Variants in FHAD1 observed in about 807,000 individuals in gnomAD.
FHAD1 encodes the protein forkhead associated phosphopeptide binding domain 1.
FHAD1 carries 146 observed loss-of-function variants against 191.3 expected under a neutral mutation model. The observed-to-expected ratio is 0.76, with a 90% CI of 0.67 to 0.88. The LOEUF is 0.88. Ranked by LOEUF, FHAD1 falls within the 40% of genes least tolerant of loss-of-function variation. The probability of loss-of-function intolerance (pLI) is 0.00; values close to 1 mark genes in which losing one functional copy is unlikely to be tolerated. For synonymous variants in FHAD1, 616 were observed against 672.3 expected, an observed-to-expected ratio of 0.92 and a Z score of 1.29; for missense variants, 1,635 against 1,785.8, an observed-to-expected ratio of 0.92 and a Z score of 1.52.
chr1:15,322,206 C>A (rs992986535), intron 10 of FHAD1, among the ~76,000 whole-genome samples: 7 of 152,024 alleles, frequency 4.6e-5, no homozygotes, highest in Non-Finnish European at 8.8e-5. Context: ...CTGTGTACTA[C>A]CTAGGCAGTG....
intron 3 of FHAD1, 44 bp downstream of exon 3, chr1:15,272,573 G>T (rs56987602): frequency 8.6e-5 from 130 of 1,510,608 alleles, no homozygotes; most frequent in Admixed American, 4.8e-4. Context: ...TGTCGCCTTC[G>T]TGCAGCCCGG....
intron 10 of FHAD1, among the ~76,000 whole-genome samples, chr1:15,322,561 A>G (rs538018880): frequency 6.6e-6 from 1 of 152,346 alleles, no homozygotes; most frequent in African/African-American, 2.4e-5. Context: ...ACGTGTGGCC[A>G]TTTAGGTGAA....
chr1:15,295,156 A>G (rs1345236828), intron 4 of FHAD1, among the ~76,000 whole-genome samples: 3 of 152,136 alleles, frequency 2.0e-5, no homozygotes, highest in Non-Finnish European at 2.9e-5. Context: ...CTTGAGTTCA[A>G]ATCTTGACTC....
At chr1:15,369,899 G>A (rs1334838755) in intron 26 of FHAD1, among the ~76,000 whole-genome samples, 1 of 152,162 alleles carries the variant, frequency 6.6e-6, no homozygotes, top group East Asian at 1.9e-4. Flanking sequence ...CACCTTATGG[G>A]TTGGTTGAGA....
intron 20 of FHAD1, among the ~76,000 whole-genome samples, chr1:15,354,525 G>A (rs12081714): frequency 0.029 from 4,427 of 152,266 alleles, 193 homozygotes; most frequent in African/African-American, 0.096. Context: ...GGGAGAGCCC[G>A]AGAAAGGCAG....
chr1:15,392,317 G>C (rs1054396839), intron 33 of FHAD1, among the ~76,000 whole-genome samples: 1 of 152,206 alleles, frequency 6.6e-6, no homozygotes, highest in African/African-American at 2.4e-5. Flanking sequence ...CGGATCACGA[G>C]GTCAGGAGAT....
At chr1:15,249,782 G>A (rs909863508) in intron 1 of FHAD1, among the ~76,000 whole-genome samples, 2 of 151,826 alleles carry the variant, frequency 1.3e-5, no homozygotes, top group African/African-American at 4.8e-5. Flanking sequence ...CCCCCACTCA[G>A]TCACTCTCTC....
chr1:15,244,282 A>G (rs1045728983), upstream of FHAD1, among the ~76,000 whole-genome samples: 4 of 152,180 alleles, frequency 2.6e-5, no homozygotes, highest in Non-Finnish European at 5.9e-5. The surrounding 1 kb of genome is among the most constrained non-coding windows in gnomAD (Gnocchi z 5.1). Context: ...AAGATTTGGC[A>G]ACTTCGGCTC....
intron 28 of FHAD1, among the ~76,000 whole-genome samples, chr1:15,379,000 T>C (rs1700282801): frequency 6.6e-6 from 1 of 152,234 alleles, no homozygotes; most frequent in Non-Finnish European, 1.5e-5. Context: ...CTGTCTCCTC[T>C]CTGGAAAGGG....
In FHAD1 at chr1:15,328,226, C is replaced by T. The variant is rs183132095; in HGVS notation, c.1558-51C>T. ...TTCCCCTTCCCTCAGGGCCCCCCAC[C>T]CCTGTATGTTACATCTTTTTTTTTT... On this transcript the variant is annotated intron_variant, in intron 12 of 33. Coordinates refer to ENST00000688493, the MANE Select transcript of FHAD1 (RefSeq NM_001391957.1). The T allele has an allele frequency of 1.6e-3, 2,288 of 1,425,230 alleles. 30 individuals carry two copies. The East Asian group carries it at 0.024, about 15-fold the overall frequency. 88.3% of individuals were successfully genotyped at this position (1,425,230 alleles called of 1,614,324 possible).
At chr1:15,364,787 A>T (rs1396134577) in intron 23 of FHAD1, among the ~76,000 whole-genome samples, 1 of 152,100 alleles carries the variant, frequency 6.6e-6, no homozygotes, top group Admixed American at 6.6e-5. Flanking sequence ...GCCAGGCTGC[A>T]GTTTCTCAAC....
chr1:15,322,294 A>T (rs942532576), intron 10 of FHAD1, among the ~76,000 whole-genome samples: 3 of 152,244 alleles, frequency 2.0e-5, no homozygotes, highest in African/African-American at 7.2e-5. Context: ...AATGATAGCC[A>T]CAATTTTGCA....
rs368956324 is a variant in FHAD1, at chr1:15,251,981, A to G, written c.93+104A>G. The stretch of plus-strand genomic sequence containing the variant: ...GGACTCCAGTCTCTTGTACACCACA[A>G]CCTGGGCAAGCAGCCATACCTTTCC... On this transcript the variant is annotated intron_variant, in intron 2 of 33. Transcript: ENST00000688493. 1.2e-5 allele frequency: 11 copies of G among 947,102 alleles called. No individual in the cohort carries two copies. The South Asian group carries it at 1.7e-4, about 15-fold the overall frequency. The allele number at this position is 947,102 out of a possible 1,614,324, so 58.7% of individuals were successfully genotyped here.
Position 15,299,042 on chromosome 1 carries a change from A to C in FHAD1, c.679-2163A>C, listed in dbSNP as rs1034391087. On this transcript the variant is annotated intron_variant, in intron 5 of 33. Coordinates refer to ENST00000688493, the MANE Select transcript of FHAD1 (RefSeq NM_001391957.1). ...CAAAAACAAAAAACAAACAACAACA[A>C]CAAAAAAACGAGCCACCCATAGTGG... Among the ~76,000 whole-genome samples the C allele has an allele frequency of 1.3e-5, 2 of 151,210 alleles. 1 individual carries two copies. The highest frequency in any genetic ancestry group is 4.9e-5 in the African/African-American group (2 of 41,162).
chr1:15,270,405 G>A (rs1046848276), intron 2 of FHAD1, among the ~76,000 whole-genome samples: 2 of 152,128 alleles, frequency 1.3e-5, no homozygotes, highest in Non-Finnish European at 2.9e-5. Context: ...TGTCAAGCGG[G>A]GTGACTTTGG....
intron 28 of FHAD1, 106 bp downstream of exon 28, chr1:15,375,836 G>A (rs1699419160): frequency 4.0e-6 from 5 of 1,263,396 alleles, no homozygotes; most frequent in Middle Eastern, 2.0e-4. Context: ...TCAGTGGTTT[G>A]GGGCTGGCTG....
Position 15,312,553 on chromosome 1 carries a change from T to C in FHAD1, c.1040-504T>C, listed in dbSNP as rs558628068. The stretch of plus-strand genomic sequence containing the variant: ...GGCACGTACCTGTAGTCCTAGCTAC[T>C]TGGGAGGCCAAGGCAGGAGGATCGC... On this transcript the variant is annotated intron_variant, in intron 7 of 33. Transcript: ENST00000688493. The surrounding 1 kb of genome is among the most constrained non-coding windows in gnomAD (Gnocchi z 4.7). Among the ~76,000 whole-genome samples the C allele has an allele frequency of 6.6e-6, 1 of 152,150 alleles. No individual in the cohort carries two copies. Among genetic ancestry groups the C allele is most frequent in the Non-Finnish European group, 1.5e-5 (1 of 68,032 alleles).
intron 16 of FHAD1, among the ~76,000 whole-genome samples, chr1:15,343,281 C>T (rs980829879): frequency 6.6e-6 from 1 of 152,076 alleles, no homozygotes; most frequent in East Asian, 1.9e-4. Flanking sequence ...CCCGGGTGGT[C>T]GCAAAGTGCA....
intron 31 of FHAD1, chr1:15,383,961 T>C (rs1426184162): frequency 2.6e-6 from 1 of 383,318 alleles, no homozygotes; most frequent in Non-Finnish European, 5.3e-6. Context: ...TGTCAGCTTT[T>C]ATGTGTGTGT....
Sources: allele counts gnomAD v4.1 joint callset (sites outside exome capture counted in the v4.1 genomes callset), GRCh38; gene constraint gnomAD v4.1.1; non-coding constraint Gnocchi (gnomAD v3.1); transcripts MANE v1.5; gene names NCBI Gene and HGNC (gene_info 2026-07-23, HGNC 2026-07-21).